ZBTB7C: variants seen among roughly 807,000 people sequenced by gnomAD.
ZBTB7C encodes the protein zinc finger and BTB domain-containing protein 7C.
In ZBTB7C, 8 loss-of-function variants were observed where a neutral mutation model predicts 25.7. The observed-to-expected ratio is 0.31, with a 90% confidence interval of 0.18 to 0.56. The LOEUF is 0.56. ZBTB7C is among the 20% of genes least tolerant of loss of function. The pLI is 0.91. For missense variants in ZBTB7C, 824 were observed against 855.2 expected, an observed-to-expected ratio of 0.96 and a Z score of 0.46; for synonymous variants, 394 against 369.0, an observed-to-expected ratio of 1.07 and a Z score of -0.78.
At chr18:48,269,599 T>C (rs2044413499) in intron 2 of ZBTB7C, among the ~76,000 whole-genome samples, 1 of 152,224 alleles carries the variant, frequency 6.6e-6, no homozygotes, top group Non-Finnish European at 1.5e-5. Context: ...TGATATAGCG[T>C]AGGCAGATGA....
intron 2 of ZBTB7C, among the ~76,000 whole-genome samples, chr18:48,224,213 A>G (rs1224830791): frequency 6.6e-6 from 1 of 152,198 alleles, no homozygotes; most frequent in Non-Finnish European, 1.5e-5. Flanking sequence ...GCCTGCATGC[A>G]TTTATACCAA....
At chr18:48,293,887 G>A (rs2045307868) in intron 2 of ZBTB7C, among the ~76,000 whole-genome samples, 1 of 152,188 alleles carries the variant, frequency 6.6e-6, no homozygotes, top group South Asian at 2.1e-4. Flanking sequence ...CAAAGTGCTG[G>A]TATTACCAGC....
At chr18:48,060,474 C>G (rs1448752480) in intron 3 of ZBTB7C, among the ~76,000 whole-genome samples, 1 of 152,110 alleles carries the variant, frequency 6.6e-6, no homozygotes, top group Non-Finnish European at 1.5e-5. Context: ...TGGCACACCC[C>G]CTCTGCTCCT....
At chr18:48,227,094 C>G (rs940026999) in intron 2 of ZBTB7C, among the ~76,000 whole-genome samples, 2 of 150,834 alleles carry the variant, frequency 1.3e-5, no homozygotes. Flanking sequence ...CCCTAAAGCA[C>G]AGTTGCAGCC....
At chr18:48,345,182 A>G (rs1019006621) in intron 1 of ZBTB7C, among the ~76,000 whole-genome samples, 8 of 152,230 alleles carry the variant, frequency 5.3e-5, no homozygotes, top group Non-Finnish European at 8.8e-5. Context: ...CCGAGCTTAC[A>G]GTTATTAAGG....
At chr18:48,301,230 G>T (rs1452414411) in intron 2 of ZBTB7C, among the ~76,000 whole-genome samples, 1 of 152,236 alleles carries the variant, frequency 6.6e-6, no homozygotes, top group Non-Finnish European at 1.5e-5. Flanking sequence ...TGTAATCCCA[G>T]CGCTTTGGGA....
chr18:48,190,027 C>T (rs1373141025), intron 2 of ZBTB7C, among the ~76,000 whole-genome samples: 6 of 152,178 alleles, frequency 3.9e-5, no homozygotes, highest in East Asian at 3.9e-4. Flanking sequence ...GGGAGAAACA[C>T]TTGGCCCTTG....
chr18:48,298,203 C>T (rs1280512061), intron 2 of ZBTB7C, among the ~76,000 whole-genome samples: 3 of 151,804 alleles, frequency 2.0e-5, no homozygotes, highest in Non-Finnish European at 4.4e-5. Flanking sequence ...TTACTTGAAC[C>T]CTGCAAGTGG....
chr18:48,105,834 G>GCT (rs1662346018), intron 3 of ZBTB7C, among the ~76,000 whole-genome samples: 1 of 152,162 alleles, frequency 6.6e-6, no homozygotes, highest in Admixed American at 6.5e-5. Context: ...TATTGCACTC[G>GCT]CAATACCTGG....
chr18:48,037,107 C>A (rs1307356066), intron 4 of ZBTB7C, among the ~76,000 whole-genome samples: 2 of 152,228 alleles, frequency 1.3e-5, no homozygotes, highest in Admixed American at 1.3e-4. Context: ...TGCCTTTCCC[C>A]AGCTCGGGGT....
At chr18:48,409,700 G>A (rs1054476740), upstream of ZBTB7C, among the ~76,000 whole-genome samples, 1 of 152,014 alleles carries the variant, frequency 6.6e-6, no homozygotes, top group African/African-American at 2.4e-5. Context: ...CGGGACTGGC[G>A]GAGGCTGCGG....
At position 48,039,967 on chromosome 18, in the gene ZBTB7C, G is replaced by A. The variant is rs950402870; in HGVS notation, c.1141C>T (p.Arg381Trp). The A allele has an allele frequency of 3.1e-6, 5 of 1,613,870 alleles. No individual in the cohort carries two copies. The highest frequency in any genetic ancestry group is 3.3e-5 in the Admixed American group (2 of 60,012). ...TCCCCGGTATGGGTCCTCATGTGCC[G>A]CGGCAGCTTCCCGGCCCCCATGATG... ...KVIMGAGKLP[R>W]HMRTHTGEKP... Residue 381 changes from arginine (R) to tryptophan (W), a missense_variant, in exon 4 of 5, where the codon CGG becomes TGG. Transcript: ENST00000590800.
chr18:48,070,263 G>A (rs935388310), intron 3 of ZBTB7C, among the ~76,000 whole-genome samples: 1 of 152,216 alleles, frequency 6.6e-6, no homozygotes, highest in Non-Finnish European at 1.5e-5. Flanking sequence ...ACTGAGGAGT[G>A]AAATGCTTTA....
intron 3 of ZBTB7C, among the ~76,000 whole-genome samples, chr18:48,093,391 TC>T (rs1280525128): frequency 6.6e-6 from 1 of 152,210 alleles, no homozygotes; most frequent in Non-Finnish European, 1.5e-5. Flanking sequence ...TCTGAGGGCA[TC>T]TGAGGGTAAG....
rs1345577624 is a variant in ZBTB7C at position 48,032,629 on chromosome 18, G to C, written c.1209-2718C>G. On this transcript the variant is annotated intron_variant, in intron 4 of 4. Coordinates refer to ENST00000590800, the MANE Select transcript of ZBTB7C (RefSeq NM_001318841.2). The stretch of plus-strand genomic sequence containing the variant: ...TTTTTTGTATTTTTAATAGAGACAG[G>C]GTTTCACCATATTAGCCAGGATGGT... Among the ~76,000 whole-genome samples, 10 of 151,040 alleles carry C rather than the reference G, an allele frequency of 6.6e-5. 1 individual carries two copies. The East Asian group carries it at 7.8e-4, about 12-fold the overall frequency.
chr18:48,036,452 A>G (rs2035974258), intron 4 of ZBTB7C, among the ~76,000 whole-genome samples: 1 of 152,174 alleles, frequency 6.6e-6, no homozygotes, highest in South Asian at 2.1e-4. Flanking sequence ...GGGGAAGGGC[A>G]GGCCTCTCCA....
At chr18:48,258,779 C>A (rs1436824941) in intron 2 of ZBTB7C, among the ~76,000 whole-genome samples, 2 of 140,552 alleles carry the variant, frequency 1.4e-5, no homozygotes, top group African/African-American at 5.7e-5. Context: ...CTGCCTCAGC[C>A]TCCTGAGTAA....
chr18:48,337,544 G>A (rs1253111483), intron 2 of ZBTB7C, among the ~76,000 whole-genome samples: 1 of 152,176 alleles, frequency 6.6e-6, no homozygotes, highest in Admixed American at 6.5e-5. Context: ...TAGACCCAAG[G>A]TATCTGACAG....
chr18:48,355,358 TAA>T (rs1017182996), intron 1 of ZBTB7C, among the ~76,000 whole-genome samples: 8 of 152,176 alleles, frequency 5.3e-5, no homozygotes, highest in East Asian at 1.9e-4. Context: ...TTTCAAAATT[TAA>T]AAGAGTCAAT....
Sources: allele counts gnomAD v4.1 joint callset (sites outside exome capture counted in the v4.1 genomes callset), GRCh38; gene constraint gnomAD v4.1.1; transcripts MANE v1.5; gene names NCBI Gene and HGNC (gene_info 2026-07-23, HGNC 2026-07-21).